The following C12orf56 variants were observed in gnomAD, a reference collection of about 807,000 sequenced individuals.
C12orf56 encodes chromosome 12 open reading frame 56, also known as uncharacterized protein C12orf56.
In C12orf56, 71 loss-of-function variants were observed where a neutral mutation model predicts 69.9. The observed-to-expected ratio is 1.02, with a 90% CI of 0.84 to 1.24. C12orf56 has a LOEUF of 1.24. Among genes scored for constraint, C12orf56 ranks in the 50% most tolerant of loss-of-function variants. The pLI is 0.00. For missense variants in C12orf56, 732 were observed against 738.5 expected (o/e 0.99, Z 0.10); for synonymous variants, 276 against 274.1 (o/e 1.01, Z -0.07).
chr12:64,292,946 C>A (rs1298366786), intron 6 of C12orf56, among the ~76,000 whole-genome samples: 1 of 146,364 alleles, frequency 6.8e-6, no homozygotes, highest in African/African-American at 2.5e-5. Flanking sequence ...CGCCCCTCCC[C>A]CAGCCTCGCT....
chr12:64,369,169 A>AG (rs956186478), intron 1 of C12orf56, among the ~76,000 whole-genome samples: 14 of 151,554 alleles, frequency 9.2e-5, no homozygotes, highest in Non-Finnish European at 1.6e-4. Flanking sequence ...AAAAAAAAAA[A>AG]AAGAATACTT....
At chr12:64,381,328 AT>A (rs1483812859) in intron 1 of C12orf56, among the ~76,000 whole-genome samples, 1 of 152,110 alleles carries the variant, frequency 6.6e-6, no homozygotes, top group African/African-American at 2.4e-5. Flanking sequence ...CTGATCTTAG[AT>A]TTTACAGTAG....
At chr12:64,350,380 T>C (rs2039206704) in intron 2 of C12orf56, among the ~76,000 whole-genome samples, 1 of 152,170 alleles carries the variant, frequency 6.6e-6, no homozygotes, top group South Asian at 2.1e-4. Context: ...ATTAGTTTGA[T>C]AGGGCTGCAG....
chr12:64,382,836 A>C (rs2135986791), intron 1 of C12orf56, among the ~76,000 whole-genome samples: 1 of 147,374 alleles, frequency 6.8e-6, no homozygotes, highest in Non-Finnish European at 1.5e-5. Context: ...GTGCCACTGC[A>C]CTCCAGCCTG....
intron 2 of C12orf56, among the ~76,000 whole-genome samples, chr12:64,331,976 CTT>C (rs2038936494): frequency 6.6e-6 from 1 of 151,258 alleles, no homozygotes; most frequent in Admixed American, 6.6e-5. Context: ...GAAAAAAAGA[CTT>C]TGCTCCTTCC....
chr12:64,344,188 G>C (rs1016005309), intron 2 of C12orf56, among the ~76,000 whole-genome samples: 1 of 152,104 alleles, frequency 6.6e-6, no homozygotes, highest in Non-Finnish European at 1.5e-5. Flanking sequence ...AGGTCTCCTG[G>C]GGGAAGGATG....
Position 64,266,731 on chromosome 12 carries a change from A to G in C12orf56, c.*452T>C, listed in dbSNP as rs994249792. The G allele has an allele frequency of 8.7e-5, 33 of 380,460 alleles. No homozygotes were observed. The highest frequency in any genetic ancestry group is 1.3e-4 in the Non-Finnish European group (27 of 208,322). The allele number at this position is 380,460 out of a possible 1,614,324, so 23.6% of individuals were successfully genotyped here. A position where few individuals can be genotyped will look rare whatever the true frequency, so the allele number is the denominator to read the frequency against. On this transcript the variant is annotated 3_prime_UTR_variant, in exon 13 of 13. Transcript: ENST00000543942. ...CACCTTGAGAAGAACTTGAATGCCC[A>G]TGCCTCAGGCCCCCACACTCCCCGG...
intron 1 of C12orf56, among the ~76,000 whole-genome samples, chr12:64,370,315 A>G (rs1015167181): frequency 6.6e-6 from 1 of 151,658 alleles, no homozygotes. Flanking sequence ...ACTATACTCC[A>G]GCCTGGGTGA....
intron 7 of C12orf56, among the ~76,000 whole-genome samples, 162 bp downstream of exon 7, chr12:64,285,792 G>T (rs763152693): frequency 2.7e-5 from 4 of 150,506 alleles, no homozygotes; most frequent in Admixed American, 2.7e-4. Flanking sequence ...TGTCTCAAGA[G>T]AAAATAAATA....
intron 1 of C12orf56, among the ~76,000 whole-genome samples, chr12:64,366,882 T>C: frequency 7.8e-6 from 1 of 128,930 alleles, no homozygotes; most frequent in East Asian, 2.2e-4. Flanking sequence ...AGTTTATATA[T>C]ATTATATAAC....
chr12:64,379,271 G>C (rs1287082654), intron 1 of C12orf56, among the ~76,000 whole-genome samples: 1 of 151,760 alleles, frequency 6.6e-6, no homozygotes, highest in African/African-American at 2.4e-5. Context: ...AGCTTCTTAA[G>C]ACTTGAATGC....
chr12:64,356,357 A>G (rs998018007), intron 1 of C12orf56, among the ~76,000 whole-genome samples: 5 of 152,168 alleles, frequency 3.3e-5, no homozygotes, highest in Admixed American at 2.6e-4. Flanking sequence ...GTGCTCAGAT[A>G]AAGAATTTTC....
At chr12:64,306,419 GTTT>G (rs776815643) in intron 5 of C12orf56, among the ~76,000 whole-genome samples, 1 of 132,888 alleles carries the variant, frequency 7.5e-6, no homozygotes, top group Non-Finnish European at 1.7e-5. Context: ...GGAAGGTTTT[GTTT>G]TTTTTTTTTT....
Position 64,362,493 on chromosome 12 carries a change from A to T in C12orf56, c.253-9437T>A, listed in dbSNP as rs572285556. 3.3e-5 allele frequency among the ~76,000 whole-genome samples: 5 copies of T among 152,214 alleles called. No individual in the cohort carries two copies. In the South Asian group the frequency reaches 1.0e-3, roughly 32 times the overall value. The stretch of plus-strand genomic sequence containing the variant: ...GATCACCTGAGGTCAGGAGTTCAAG[A>T]CCAGCCTGGCCAATATGGTGAAACC... On this transcript the variant is annotated intron_variant, in intron 1 of 12. Coordinates refer to ENST00000543942, the MANE Select transcript of C12orf56 (RefSeq NM_001170633.2).
At chr12:64,349,499 C>A (rs1375658166) in intron 2 of C12orf56, among the ~76,000 whole-genome samples, 1 of 152,194 alleles carries the variant, frequency 6.6e-6, no homozygotes, top group East Asian at 1.9e-4. Flanking sequence ...ATCCAGCAAT[C>A]CCACTGCTGG....
intron 4 of C12orf56, among the ~76,000 whole-genome samples, chr12:64,313,867 A>C (rs2038655458): frequency 6.6e-6 from 1 of 151,062 alleles, no homozygotes; most frequent in African/African-American, 2.4e-5. Flanking sequence ...ACATGGTGAA[A>C]CCCCATCTCT....
At chr12:64,289,237 AAGG>A (rs1159667250) in intron 6 of C12orf56, among the ~76,000 whole-genome samples, 1 of 84,002 alleles carries the variant, frequency 1.2e-5, no homozygotes, top group East Asian at 2.8e-4. Flanking sequence ...TTATCAGCTT[AAGG>A]AGATTTTGGG....
rs765932689 is a variant in C12orf56, at chr12:64,303,699, G to T, written c.1049C>A (p.Ser350Tyr). The T allele has an allele frequency of 7.0e-6, 11 of 1,578,456 alleles. No individual in the cohort carries two copies. Residue 350 changes from serine to tyrosine, a missense_variant, in exon 6 of 13, where the codon TCT becomes TAT. Ser to Tyr is a moderately radical substitution (Grantham distance 144). Transcript: ENST00000543942. ...LKDNSLRRIL[S>Y]LLMELKVAAQ... ...TGCTACTTTAAGTTCCATAAGTAAA[G>T]AAAGTATCCTCCTCAAAGAATTGTC...
Position 64,277,628 on chromosome 12 carries a change from G to T in C12orf56, c.1434+52C>A, listed in dbSNP as rs940630916. 1.1e-5 allele frequency: 8 copies of T among 696,892 alleles called. No individual in the cohort carries two copies. The East Asian group carries it at 4.7e-4, about 41-fold the overall frequency. 43.2% of individuals were successfully genotyped at this position (696,892 alleles called of 1,614,324 possible). ...ATGGTCCACATTAAAAGAAGCCAGG[G>T]CCCCTATATATATATATATATAATA... On this transcript the variant is annotated intron_variant, in intron 9 of 12. Coordinates refer to ENST00000543942, the MANE Select transcript of C12orf56 (RefSeq NM_001170633.2).
Sources: gnomAD v4.1 joint callset for allele counts (sites outside exome capture counted in the v4.1 genomes callset) on GRCh38, gnomAD v4.1.1 for gene constraint, MANE v1.5 for transcripts, NCBI Gene and HGNC (gene_info 2026-07-23, HGNC 2026-07-21) for gene names.